The following ACOT8 variants were observed in gnomAD, a reference collection of about 807,000 sequenced individuals.
ACOT8 encodes acyl-CoA thioesterase 8, also known as acyl-coenzyme A thioesterase 8.
Under a neutral mutation model 38.4 loss-of-function variants are expected in ACOT8, and 31 were observed. The observed-to-expected ratio is 0.81, with a 90% CI of 0.61 to 1.09. The LOEUF (loss-of-function observed/expected upper bound fraction) is 1.09, where lower values mean the gene tolerates loss of function less well. ACOT8 is among the 50% of genes least tolerant of loss of function. The pLI is 0.00. For missense variants in ACOT8, 373 were observed against 421.8 expected (o/e 0.88, Z 1.01); for synonymous variants, 158 against 170.3 (o/e 0.93, Z 0.56).
At chr20:45,843,259 C>T in intron 5 of ACOT8, 1 of 628,230 alleles carries the variant, frequency 1.6e-6, no homozygotes, top group Non-Finnish European at 2.8e-6. Context: ...TATTGTAATA[C>T]AAAGAATCTG....
chr20:45,850,721 A>G (rs1985003747), intron 2 of ACOT8, among the ~76,000 whole-genome samples: 1 of 152,136 alleles, frequency 6.6e-6, no homozygotes, highest in African/African-American at 2.4e-5. Flanking sequence ...AATTAGCTGG[A>G]CATGGTGGCA....
chr20:45,850,735 G>A (rs1985004874), intron 2 of ACOT8, among the ~76,000 whole-genome samples: 1 of 152,152 alleles, frequency 6.6e-6, no homozygotes, highest in South Asian at 2.1e-4. Flanking sequence ...GGTGGCATGT[G>A]CCTATAGTCC....
At chr20:45,842,467 T>G (rs1490122660) in intron 5 of ACOT8, 1 of 1,038,148 alleles carries the variant, frequency 9.6e-7, no homozygotes, top group Non-Finnish European at 1.2e-6. Context: ...GTCCTCCAAG[T>G]GGTAATTCAT....
At chr20:45,855,965 G>C (rs1335319462) in intron 1 of ACOT8, among the ~76,000 whole-genome samples, 3 of 151,996 alleles carry the variant, frequency 2.0e-5, no homozygotes, top group Non-Finnish European at 4.4e-5. Context: ...AATGAGTTAT[G>C]AACAGCCCTC....
intron 2 of ACOT8, among the ~76,000 whole-genome samples, chr20:45,854,493 G>A (rs1013191255): frequency 3.3e-5 from 5 of 152,186 alleles, no homozygotes; most frequent in Non-Finnish European, 5.9e-5. Flanking sequence ...ACAGGCGTGA[G>A]CCACCGCGCC....
rs1388294673 is a variant in ACOT8, at chr20:45,855,137, G to A, written c.262+22C>T. On this transcript the variant is annotated intron_variant, in intron 2 of 5. Transcript: ENST00000217455. Reference sequence around the variant, plus strand: ...CTGCTGGGCCACCAGGGTTGGGTTGGGGCAGGAAGTGGGGGGTTTACCTGC... The same window carrying A: ...CTGCTGGGCCACCAGGGTTGGGTTGAGGCAGGAAGTGGGGGGTTTACCTGC... The A allele has an allele frequency of 3.1e-6, 5 of 1,612,372 alleles. No individual in the cohort carries two copies. The East Asian group carries it at 1.1e-4, about 36-fold the overall frequency.
Position 45,848,521 on chromosome 20 carries a change from C to A in ACOT8, c.417G>T (p.Gln139His), listed in dbSNP as rs760036258. The A allele has an allele frequency of 6.2e-7, 1 of 1,613,920 alleles. No homozygotes were observed. Among genetic ancestry groups the A allele is most frequent in the Admixed American group, 1.7e-5 (1 of 59,964 alleles). ...GTGGTGGCACAGTGGGCATGGAGAA[C>A]TGGTGCTGCATGGGGCTGGGCTGGG... is the stretch of plus-strand genomic sequence containing the variant. ...QQAQPSPMQHQFSMPTVPPPE... is the reference protein window; with the variant it reads ...QQAQPSPMQHHFSMPTVPPPE... Residue 139 changes from glutamine to histidine, a missense_variant, in exon 3 of 6, where the codon CAG (glutamine) becomes CAT (histidine). Coordinates refer to ENST00000217455, the MANE Select transcript of ACOT8 (RefSeq NM_005469.4).
chr20:45,845,378 T>A (rs549781697), intron 3 of ACOT8, among the ~76,000 whole-genome samples: 2 of 151,830 alleles, frequency 1.3e-5, no homozygotes, highest in South Asian at 4.2e-4. Context: ...CTTTTTTTTG[T>A]AGAGATGGGG....
chr20:45,855,510 T>C (rs902306956), intron 1 of ACOT8, among the ~76,000 whole-genome samples: 2 of 152,178 alleles, frequency 1.3e-5, no homozygotes, highest in African/African-American at 4.8e-5. Flanking sequence ...CCCAGCACTT[T>C]GGGAGGCCGA....
rs1476710038 is a variant in ACOT8 at position 45,857,200 on chromosome 20, T to C, written c.116A>G (p.Glu39Gly). 1 of 1,613,352 alleles carries C rather than the reference T, an allele frequency of 6.2e-7. No homozygotes were observed. Among genetic ancestry groups the C allele is most frequent in the Admixed American group, 1.7e-5 (1 of 59,970 alleles). Reference protein sequence around the residue: ...TTVLNLEPLDEDLFRGRHYWV... With the variant: ...TTVLNLEPLDGDLFRGRHYWV... ...AGCTGCCGGCTACCTGAAGAGATCC[T>C]CGTCCAGCGGCTCGAGGTTGAGCAC... Residue 39 changes from glutamate (E) to glycine (G), a missense_variant, in exon 1 of 6, where the codon GAG becomes GGG. Transcript: ENST00000217455.
chr20:45,848,898 T>G (rs1984879268), intron 2 of ACOT8: 3 of 438,216 alleles, frequency 6.8e-6, no homozygotes, highest in Non-Finnish European at 1.2e-5. Flanking sequence ...GCAGAGACAT[T>G]GACAGATTCC....
intron 2 of ACOT8, among the ~76,000 whole-genome samples, chr20:45,851,237 C>A (rs183195): frequency 1.3e-5 from 2 of 152,032 alleles, no homozygotes. Context: ...TATCAGAGTG[C>A]GAGCTCCTCA....
At chr20:45,851,493 T>C (rs1259112506) in intron 2 of ACOT8, among the ~76,000 whole-genome samples, 3 of 152,222 alleles carry the variant, frequency 2.0e-5, no homozygotes, top group African/African-American at 7.2e-5. Context: ...GTTCCAGCCC[T>C]ATTCTTGAAA....
Position 45,857,115 on chromosome 20 carries a change from G to A in ACOT8, c.128+73C>T, listed in dbSNP as rs932909817. The A allele has an allele frequency of 1.9e-6, 3 of 1,547,110 alleles. No homozygotes were observed. The African/African-American group carries it at 4.1e-5, about 21-fold the overall frequency. On this transcript the variant is annotated intron_variant, in intron 1 of 5. Transcript: ENST00000217455. ...AGCCATACTAGTCCCGGAGCCAGGG[G>A]CCCCGGGCGGCGGCAGTCAAGATCA... is the stretch of plus-strand genomic sequence containing the variant.
At chr20:45,849,743 G>A (rs189023960) in intron 2 of ACOT8, among the ~76,000 whole-genome samples, 5 of 152,028 alleles carry the variant, frequency 3.3e-5, no homozygotes, top group East Asian at 3.9e-4. Flanking sequence ...GAGCCACTGC[G>A]CCCAGCCAAT....
At chr20:45,856,959 G>A (rs1985491483) in intron 1 of ACOT8, among the ~76,000 whole-genome samples, 1 of 152,194 alleles carries the variant, frequency 6.6e-6, no homozygotes, top group South Asian at 2.1e-4. Context: ...GGTCTCTCAG[G>A]TCACCACTAT....
At chr20:45,846,286 G>C (rs1188648886) in intron 3 of ACOT8, among the ~76,000 whole-genome samples, 1 of 152,184 alleles carries the variant, frequency 6.6e-6, no homozygotes, top group Non-Finnish European at 1.5e-5. Flanking sequence ...ACCAGGCCCT[G>C]TGTTTTTTCT....
chr20:45,849,413 TG>T (rs996644587), intron 2 of ACOT8, among the ~76,000 whole-genome samples: 5 of 150,682 alleles, frequency 3.3e-5, no homozygotes, highest in South Asian at 2.1e-4. Flanking sequence ...GCCTCCTGAG[TG>T]GGGGGGGACT....
intron 3 of ACOT8, among the ~76,000 whole-genome samples, chr20:45,848,206 G>A (rs61386463): frequency 0.014 from 2,130 of 152,166 alleles, 45 homozygotes; most frequent in African/African-American, 0.045. Flanking sequence ...CACTGCACCC[G>A]GCCAAGCCCT....
Sources: allele counts gnomAD v4.1 joint callset (sites outside exome capture counted in the v4.1 genomes callset), GRCh38; gene constraint gnomAD v4.1.1; transcripts MANE v1.5; gene names NCBI Gene and HGNC (gene_info 2026-07-23, HGNC 2026-07-21).